The following BBS4 variants were observed in gnomAD, a reference collection of about 807,000 sequenced individuals.
The protein encoded by BBS4 is Bardet-Biedl syndrome 4.
In BBS4, 58 loss-of-function variants were observed where a neutral mutation model predicts 71.4. The observed-to-expected ratio is 0.81, with a 90% CI of 0.66 to 1.01. The LOEUF (loss-of-function observed/expected upper bound fraction) is 1.01, where lower values mean the gene tolerates loss of function less well. Among genes scored for constraint, BBS4 ranks in the 50% least tolerant of loss-of-function variants. The pLI is 0.00. For missense variants in BBS4, 660 were observed against 607.9 expected, an observed-to-expected ratio of 1.09 and a Z score of -0.90; for synonymous variants, 228 against 216.8, an observed-to-expected ratio of 1.05 and a Z score of -0.46.
chr15:72,716,323 G>A (rs1425441924), intron 5 of BBS4, among the ~76,000 whole-genome samples: 3 of 152,120 alleles, frequency 2.0e-5, no homozygotes, highest in Admixed American at 6.6e-5. Flanking sequence ...ATTCATACCT[G>A]TGTTGTTTTT....
At chr15:72,689,780 T>TTTTATTTA (rs57141334) in intron 1 of BBS4, among the ~76,000 whole-genome samples, 4,480 of 147,632 alleles carry the variant, frequency 0.03, 149 homozygotes, top group East Asian at 0.091. Context: ...TTATAAATCT[T>TTTTATTTA]TTTATTTATT....
rs755126501 is a variant in BBS4, at chr15:72,738,264, G to C, written c.*677G>C. 2.2e-6 allele frequency: 1 copy of C among 453,992 alleles called. No individual in the cohort carries two copies. The highest frequency in any genetic ancestry group is 1.6e-5 in the South Asian group (1 of 64,462). The allele number at this position is 453,992 out of a possible 1,614,324, so 28.1% of individuals were successfully genotyped here. A position where few individuals can be genotyped will look rare whatever the true frequency, so the allele number is the denominator to read the frequency against. On this transcript the variant is annotated 3_prime_UTR_variant, in exon 16 of 16. Transcript: ENST00000268057. The stretch of plus-strand genomic sequence containing the variant: ...AGGAGCAGCAGCCCAGGGCTTGTCT[G>C]GATCAGCACCAACGATTTTAAAGAA...
intron 6 of BBS4, among the ~76,000 whole-genome samples, chr15:72,718,009 C>T (rs1193235395): frequency 2.0e-5 from 3 of 151,994 alleles, no homozygotes; most frequent in Non-Finnish European, 2.9e-5. Context: ...CCACCATGCC[C>T]GGCTAATTTT....
chr15:72,728,080 ATTTAT>A (rs1595942700), intron 9 of BBS4, 86 bp downstream of exon 9: 4 of 906,730 alleles, frequency 4.4e-6, no homozygotes, highest in East Asian at 5.0e-5. Flanking sequence ...GCATTCTGAT[ATTTAT>A]TTTATTAAAG....
At position 72,731,291 on chromosome 15, in the gene BBS4, T is replaced by A. The variant is rs375598833; in HGVS notation, c.712-14T>A. 15 of 1,614,036 alleles carry A rather than the reference T, an allele frequency of 9.3e-6. No individual in the cohort carries two copies. The African/African-American group carries it at 1.5e-4, about 16-fold the overall frequency. ...GGGAATGACTGAATGACTTTCTCTG[T>A]GCCATGTTTTCAGGCCATCTTGGCA... is the stretch of plus-strand genomic sequence containing the variant. On this transcript the variant is annotated splice_polypyrimidine_tract_variant and intron_variant, in intron 10 of 15. Transcript: ENST00000268057.
intron 2 of BBS4, chr15:72,704,600 C>T (rs998746798): frequency 4.1e-6 from 2 of 487,788 alleles, no homozygotes; most frequent in Admixed American, 2.9e-5. Context: ...CAGCAACAGG[C>T]CCAGCACAGT....
chr15:72,704,379 A>C, intron 2 of BBS4: 1 of 1,153,762 alleles, frequency 8.7e-7, no homozygotes, highest in Non-Finnish European at 1.2e-6. Context: ...AGTAATTCTC[A>C]TAATACCTGT....
intron 12 of BBS4, 124 bp downstream of exon 12, chr15:72,731,850 G>A: frequency 8.2e-7 from 1 of 1,220,008 alleles, no homozygotes; most frequent in Non-Finnish European, 1.2e-6. Context: ...GTAGGAATCT[G>A]GATTACTGTC....
At chr15:72,736,985 T>C in intron 15 of BBS4, 22 bp downstream of exon 15, 1 of 1,612,658 alleles carries the variant, frequency 6.2e-7, no homozygotes, top group Non-Finnish European at 8.5e-7. Flanking sequence ...CAGAGCTCCA[T>C]GAAGACCTGG....
intron 3 of BBS4, among the ~76,000 whole-genome samples, chr15:72,711,358 A>T (rs992003137): frequency 3.3e-5 from 5 of 151,430 alleles, no homozygotes; most frequent in African/African-American, 1.2e-4. Flanking sequence ...CATGTTGGTC[A>T]GGCTGGTCTC....
intron 13 of BBS4, 53 bp downstream of exon 13, chr15:72,735,235 TG>T (rs772822553): frequency 1.1e-5 from 16 of 1,403,580 alleles, no homozygotes; most frequent in South Asian, 4.6e-5. Flanking sequence ...TCCAAAGCCA[TG>T]AGGTGGTGCC....
At chr15:72,718,785 G>C (rs1049842753) in intron 6 of BBS4, among the ~76,000 whole-genome samples, 1 of 152,188 alleles carries the variant, frequency 6.6e-6, no homozygotes, top group Admixed American at 6.5e-5. Context: ...GGAAATGAAG[G>C]AAGAAGAGCA....
At chr15:72,710,015 C>G (rs1236378237) in intron 3 of BBS4, among the ~76,000 whole-genome samples, 1 of 152,036 alleles carries the variant, frequency 6.6e-6, no homozygotes. Flanking sequence ...TTCAGATCAG[C>G]TGTGGGTTGG....
intron 1 of BBS4, chr15:72,686,471 C>G: frequency 6.5e-7 from 1 of 1,530,230 alleles, no homozygotes; most frequent in Non-Finnish European, 8.7e-7. Context: ...GGACTGTAGT[C>G]CCTCTTGGGG....
intron 1 of BBS4, among the ~76,000 whole-genome samples, chr15:72,691,245 C>G (rs925252265): frequency 6.6e-6 from 1 of 152,070 alleles, no homozygotes; most frequent in African/African-American, 2.4e-5. Flanking sequence ...CATAAGTATT[C>G]TCTTTTATTT....
At chr15:72,699,784 T>C (rs1051777234) in intron 2 of BBS4, among the ~76,000 whole-genome samples, 1 of 152,238 alleles carries the variant, frequency 6.6e-6, no homozygotes, top group African/African-American at 2.4e-5. Context: ...ACATGTTGTT[T>C]TGGAGATTCA....
rs543735239 is a variant in BBS4, at chr15:72,686,239, G to A, written c.12G>A (p.Glu4=). 26 of 1,565,962 alleles carry A rather than the reference G, an allele frequency of 1.7e-5. No individual in the cohort carries two copies. The highest frequency in any genetic ancestry group is 2.2e-5 in the Non-Finnish European group (25 of 1,156,258). Residue 4 remains glutamate, a synonymous_variant, in exon 1 of 16, where the codon GAG becomes GAA. Transcript: ENST00000268057. ...TGGGCTGAGCTAAAATGGCTGAGGA[G>A]AGAGTCGCGACGGTGAGCGCCGAGA... The part of the protein sequence containing the change: MAE[E]RVATRTQFPV...
At chr15:72,731,065 C>CTTTTTTTTTTTTTTTTTTTTTTTTTT (rs35004414) in intron 10 of BBS4, among the ~76,000 whole-genome samples, 1 of 77,612 alleles carries the variant, frequency 1.3e-5, no homozygotes, top group African/African-American at 5.7e-5. Flanking sequence ...AACATTTTAT[C>CTTTTTTTTTTTTTTTTTTTTTTTTTT]TTTTTTTTTT....
intron 13 of BBS4, 72 bp from the exon 14 acceptor site, chr15:72,735,753 G>A: frequency 6.3e-7 from 1 of 1,593,052 alleles, no homozygotes; most frequent in Non-Finnish European, 8.6e-7. Context: ...TTGTTTTTGT[G>A]TAATGAGAAG....
Sources: gnomAD v4.1 joint callset for allele counts (sites outside exome capture counted in the v4.1 genomes callset) on GRCh38, gnomAD v4.1.1 for gene constraint, MANE v1.5 for transcripts, NCBI Gene and HGNC (gene_info 2026-07-23, HGNC 2026-07-21) for gene names.